PRKN: variants seen among roughly 807,000 people sequenced by gnomAD.
PRKN encodes E3 ubiquitin-protein ligase parkin.
Under a neutral mutation model 59.5 loss-of-function variants are expected in PRKN, and 56 were observed. That is an observed-to-expected ratio of 0.94 (90% CI 0.76 to 1.18). PRKN has a LOEUF of 1.18. Among genes scored for constraint, PRKN ranks in the 50% most tolerant of loss-of-function variants. The pLI is 0.00. For missense variants in PRKN, 657 were observed against 596.4 expected, an observed-to-expected ratio of 1.10 and a Z score of -1.06; for synonymous variants, 250 against 222.1, an observed-to-expected ratio of 1.13 and a Z score of -1.12.
intron 8 of PRKN, among the ~76,000 whole-genome samples, chr6:161,555,839 TTAAG>T (rs1416954971): frequency 6.6e-6 from 1 of 152,198 alleles, no homozygotes; most frequent in Non-Finnish European, 1.5e-5. Flanking sequence ...TCTAACTCCA[TTAAG>T]TGACAATTAA....
chr6:162,326,648 T>C (rs1408923709), intron 2 of PRKN, among the ~76,000 whole-genome samples: 1 of 152,134 alleles, frequency 6.6e-6, no homozygotes, highest in African/African-American at 2.4e-5. Flanking sequence ...AAATCAATGA[T>C]ACTCCCCTGA....
chr6:161,901,003 A>C (rs1335126857), intron 6 of PRKN, among the ~76,000 whole-genome samples: 2 of 150,440 alleles, frequency 1.3e-5, no homozygotes, highest in Admixed American at 1.3e-4. Context: ...GCAACCTCTA[A>C]CTCCCAGGTT....
intron 2 of PRKN, among the ~76,000 whole-genome samples, chr6:162,307,540 G>A (rs1449014025): frequency 1.3e-5 from 2 of 151,948 alleles, no homozygotes; most frequent in Non-Finnish European, 2.9e-5. Flanking sequence ...AGTGGAAAAT[G>A]CCACAGAAGG....
rs1786769779 is a variant in PRKN at position 161,396,601 on chromosome 6, A to G, written c.1084-9724T>C. ...GTAAAACGCACAGCATATGTCTTCTATAATTTTTAACTGGTCCCTAATCCT... is the reference window on the plus strand; with the variant it reads ...GTAAAACGCACAGCATATGTCTTCTGTAATTTTTAACTGGTCCCTAATCCT... On this transcript the variant is annotated intron_variant, in intron 9 of 11. Transcript: ENST00000366898. The surrounding 1 kb of genome is among the most constrained non-coding windows in gnomAD (Gnocchi z 5.4). 6.6e-6 allele frequency among the ~76,000 whole-genome samples: 1 copy of G among 152,216 alleles called. No homozygotes were observed. The highest frequency in any genetic ancestry group is 1.5e-5 in the Non-Finnish European group (1 of 68,048).
At chr6:161,490,286 C>A (rs141316533) in intron 9 of PRKN, among the ~76,000 whole-genome samples, 1 of 151,582 alleles carries the variant, frequency 6.6e-6, no homozygotes, top group Non-Finnish European at 1.5e-5. Flanking sequence ...CTCTAATCTA[C>A]GTAAATCTCT....
chr6:162,210,627 A>G (rs77814177), intron 3 of PRKN, among the ~76,000 whole-genome samples: 2,319 of 152,304 alleles, frequency 0.015, 63 homozygotes, highest in African/African-American at 0.053. Context: ...AATATTTAAT[A>G]ATATTATGGA....
chr6:162,515,574 G>GT (rs1355978856), intron 1 of PRKN, among the ~76,000 whole-genome samples: 1 of 152,148 alleles, frequency 6.6e-6, no homozygotes, highest in African/African-American at 2.4e-5. Flanking sequence ...CAAAGTATTG[G>GT]TAAGTATTGG....
chr6:161,485,710 A>G (rs1289216911), intron 9 of PRKN, among the ~76,000 whole-genome samples: 1 of 152,136 alleles, frequency 6.6e-6, no homozygotes, highest in Non-Finnish European at 1.5e-5. Context: ...AGAAAATTCA[A>G]GTAGAGAGAG....
At chr6:162,292,975 A>G (rs978050570) in intron 2 of PRKN, among the ~76,000 whole-genome samples, 2 of 152,144 alleles carry the variant, frequency 1.3e-5, no homozygotes, top group South Asian at 4.1e-4. Flanking sequence ...GGGTGCAGTA[A>G]ATACCTCATG....
chr6:162,571,969 G>T (rs1475857266), intron 1 of PRKN, among the ~76,000 whole-genome samples: 2 of 152,058 alleles, frequency 1.3e-5, no homozygotes, highest in Non-Finnish European at 2.9e-5. Flanking sequence ...GCACAGAAAT[G>T]CTTAGACAAA....
intron 9 of PRKN, among the ~76,000 whole-genome samples, chr6:161,427,390 G>A (rs1234086448): frequency 6.6e-6 from 1 of 152,072 alleles, no homozygotes; most frequent in Admixed American, 6.6e-5. Flanking sequence ...ATTTTTCAGA[G>A]GAGGAAACTG....
At chr6:161,701,931 T>G (rs987879178) in intron 7 of PRKN, among the ~76,000 whole-genome samples, 3 of 152,164 alleles carry the variant, frequency 2.0e-5, no homozygotes, top group African/African-American at 7.2e-5. Context: ...GGGAAGTATA[T>G]TTTTGACAAG....
intron 1 of PRKN, among the ~76,000 whole-genome samples, chr6:162,676,588 C>T (rs1232600490): frequency 6.6e-6 from 1 of 152,016 alleles, no homozygotes; most frequent in Non-Finnish European, 1.5e-5. Flanking sequence ...ATAGCTTCCT[C>T]CATTACTGTG....
intron 2 of PRKN, among the ~76,000 whole-genome samples, chr6:162,366,545 AT>A (rs1236407018): frequency 6.6e-6 from 1 of 152,188 alleles, no homozygotes; most frequent in East Asian, 1.9e-4. Context: ...TTTCCACTGC[AT>A]TCCCTGTAAA....
chr6:162,335,194 CTTTT>C (rs200467030), intron 2 of PRKN, among the ~76,000 whole-genome samples: 1 of 143,950 alleles, frequency 6.9e-6, no homozygotes, highest in African/African-American at 2.5e-5. Context: ...TTTTCTTTTT[CTTTT>C]TTTTTTTTAA....
intron 9 of PRKN, among the ~76,000 whole-genome samples, chr6:161,524,142 T>C (rs1029291915): frequency 1.3e-5 from 2 of 152,192 alleles, no homozygotes; most frequent in African/African-American, 4.8e-5. Context: ...TGTGCATAGA[T>C]CTATCACAGC....
chr6:162,250,829 T>G (rs1319266695), intron 3 of PRKN, among the ~76,000 whole-genome samples: 2 of 152,214 alleles, frequency 1.3e-5, no homozygotes, highest in Non-Finnish European at 2.9e-5. Flanking sequence ...CTTATTTTAT[T>G]TTTTTAATTA....
intron 7 of PRKN, among the ~76,000 whole-genome samples, chr6:161,653,206 CA>C (rs574039778): frequency 6.6e-5 from 10 of 150,920 alleles, no homozygotes; most frequent in Non-Finnish European, 1.5e-4. Context: ...ATTAAAAATA[CA>C]AAAAAAAATA....
chr6:161,574,862 G>A (rs1247837655), intron 7 of PRKN, among the ~76,000 whole-genome samples: 1 of 152,132 alleles, frequency 6.6e-6, no homozygotes, highest in African/African-American at 2.4e-5. Flanking sequence ...CACAGGAATC[G>A]AGTAGTGTTT....
Sources: gnomAD v4.1 joint callset for allele counts (sites outside exome capture counted in the v4.1 genomes callset) on GRCh38, gnomAD v4.1.1 for gene constraint, Gnocchi (gnomAD v3.1) non-coding constraint, MANE v1.5 for transcripts, NCBI Gene and HGNC (gene_info 2026-07-23, HGNC 2026-07-21) for gene names.